ENAH: variants seen among roughly 807,000 people sequenced by gnomAD.
The protein encoded by ENAH is protein enabled homolog.
Under a neutral mutation model 78.7 loss-of-function variants are expected in ENAH, and 23 were observed. That is an observed-to-expected ratio of 0.29 (90% CI 0.21 to 0.41). The LOEUF (loss-of-function observed/expected upper bound fraction) is 0.41, where lower values mean the gene tolerates loss of function less well. ENAH is among the 10% of genes least tolerant of loss of function. The pLI is 1.00. For synonymous variants in ENAH, 226 were observed against 241.0 expected (o/e 0.94, Z 0.58); for missense variants, 544 against 691.0 (o/e 0.79, Z 2.39).
chr1:225,579,875 T>C (rs1405286489), intron 1 of ENAH, among the ~76,000 whole-genome samples: 2 of 152,206 alleles, frequency 1.3e-5, no homozygotes, highest in African/African-American at 4.8e-5. Context: ...AACTTCAACC[T>C]AAAACTACAG....
At chr1:225,564,822 T>C (rs78414652) in intron 2 of ENAH, among the ~76,000 whole-genome samples, 6,531 of 152,106 alleles carry the variant, frequency 0.043, 225 homozygotes, top group South Asian at 0.11. Context: ...TTTTCTTCTG[T>C]TTTCTTTGGG....
intron 4 of ENAH, among the ~76,000 whole-genome samples, chr1:225,522,212 C>G (rs1022221629): frequency 6.6e-6 from 1 of 152,178 alleles, no homozygotes; most frequent in Non-Finnish European, 1.5e-5. Context: ...TCCCTTTGTT[C>G]CTTCCAGCGG....
At position 225,597,936 on chromosome 1, in the gene ENAH, CTT is replaced by C. The variant is rs77379508; in HGVS notation, c.6-30524_6-30523del. 1.2e-4 allele frequency among the ~76,000 whole-genome samples: 18 copies of C among 145,044 alleles called. No homozygotes were observed. In the East Asian group the frequency reaches 2.8e-3, roughly 23 times the overall value. ...ATTTTAAGAGTTTCTCTCCACTTAA[CTT>C]TTTTTTTTTTTGGCAAATATTAATA... On this transcript the variant is annotated intron_variant, in intron 1 of 13. Transcript: ENST00000366843.
intron 3 of ENAH, among the ~76,000 whole-genome samples, chr1:225,536,791 T>G (rs1355894224): frequency 6.6e-6 from 1 of 152,038 alleles, no homozygotes. Context: ...ACACTGTATT[T>G]TTTTTGCAAA....
At chr1:225,577,042 G>A (rs1413332875) in intron 1 of ENAH, among the ~76,000 whole-genome samples, 1 of 152,138 alleles carries the variant, frequency 6.6e-6, no homozygotes, top group Non-Finnish European at 1.5e-5. Context: ...GGCTGAGGTG[G>A]GAGGATTACT....
At chr1:225,593,228 A>C (rs1236807636) in intron 1 of ENAH, among the ~76,000 whole-genome samples, 1 of 152,180 alleles carries the variant, frequency 6.6e-6, no homozygotes, top group Non-Finnish European at 1.5e-5. Context: ...TTCATAGTTC[A>C]CATTAAAATT....
chr1:225,503,273 GAGC>G (rs1488150924), intron 11 of ENAH, among the ~76,000 whole-genome samples: 2 of 152,074 alleles, frequency 1.3e-5, no homozygotes, highest in Non-Finnish European at 1.5e-5. Context: ...CAAGATAACT[GAGC>G]AGATTTACTA....
intron 10 of ENAH, among the ~76,000 whole-genome samples, chr1:225,510,768 T>C (rs191607493): frequency 1.6e-4 from 24 of 151,314 alleles, no homozygotes; most frequent in Admixed American, 3.9e-4. Flanking sequence ...TCCTAGCACT[T>C]TGGAAGACTG....
intron 1 of ENAH, among the ~76,000 whole-genome samples, chr1:225,628,135 C>A (rs1189689905): frequency 6.6e-6 from 1 of 152,188 alleles, no homozygotes; most frequent in Non-Finnish European, 1.5e-5. Context: ...AGAAGCTCAG[C>A]AGAGCTGTAA....
intron 4 of ENAH, among the ~76,000 whole-genome samples, chr1:225,520,274 G>A (rs1253332792): frequency 3.3e-5 from 5 of 149,266 alleles, no homozygotes; most frequent in African/African-American, 1.2e-4. Context: ...CAGCCTGGGT[G>A]ACAGAGCAAG....
rs1273543641 is a variant in ENAH, at chr1:225,491,600, T to A, written c.*6175A>T. The A allele has an allele frequency of 6.6e-6, 1 of 152,218 alleles. No individual in the cohort carries two copies. Among genetic ancestry groups the A allele is most frequent in the Admixed American group, 6.5e-5 (1 of 15,278 alleles). 9.4% of individuals were successfully genotyped at this position (152,218 alleles called of 1,614,324 possible). ...AGCGTTCTGTAATGTATCTCTCTTA[T>A]ATGGTTGCAACAATGTGTATTTTAA... is the stretch of plus-strand genomic sequence containing the variant. On this transcript the variant is annotated 3_prime_UTR_variant, in exon 14 of 14. Coordinates refer to ENST00000366843, the MANE Select transcript of ENAH (RefSeq NM_018212.6).
intron 3 of ENAH, among the ~76,000 whole-genome samples, chr1:225,536,296 A>G (rs1048619033): frequency 2.0e-5 from 3 of 152,216 alleles, no homozygotes; most frequent in Middle Eastern, 3.4e-3. Context: ...TTTAGGAGAA[A>G]AAACTCAATG....
intron 4 of ENAH, among the ~76,000 whole-genome samples, chr1:225,527,621 T>C (rs1166118127): frequency 6.6e-6 from 1 of 152,114 alleles, no homozygotes; most frequent in Non-Finnish European, 1.5e-5. Flanking sequence ...AAATGACAAA[T>C]ATCTCTTTTA....
At chr1:225,527,917 A>T (rs2151238020) in intron 4 of ENAH, among the ~76,000 whole-genome samples, 1 of 152,244 alleles carries the variant, frequency 6.6e-6, no homozygotes. Context: ...GTGTTATCTT[A>T]ATCAACTCAA....
chr1:225,605,911 T>C (rs962102749), intron 1 of ENAH, among the ~76,000 whole-genome samples: 5 of 152,186 alleles, frequency 3.3e-5, no homozygotes, highest in African/African-American at 1.2e-4. Context: ...GCCTTCAGAA[T>C]TGTGAGGAAA....
At chr1:225,629,640 TC>T (rs1351889087) in intron 1 of ENAH, among the ~76,000 whole-genome samples, 1 of 150,716 alleles carries the variant, frequency 6.6e-6, no homozygotes, top group East Asian at 1.9e-4. Flanking sequence ...GAAAGTAAGC[TC>T]CTTAAGGATG....
At chr1:225,591,856 C>T (rs890612578) in intron 1 of ENAH, among the ~76,000 whole-genome samples, 36 of 149,408 alleles carry the variant, frequency 2.4e-4, no homozygotes, top group Middle Eastern at 3.5e-3. Flanking sequence ...GAGTGTTGGT[C>T]TCTTTAGAAG....
intron 10 of ENAH, among the ~76,000 whole-genome samples, chr1:225,511,293 A>C (rs544571150): frequency 6.6e-6 from 1 of 152,344 alleles, no homozygotes; most frequent in South Asian, 2.1e-4. Flanking sequence ...GTACTCATCA[A>C]GTACTTCTAG....
At chr1:225,608,675 G>A (rs1393138102) in intron 1 of ENAH, among the ~76,000 whole-genome samples, 1 of 151,778 alleles carries the variant, frequency 6.6e-6, no homozygotes, top group Non-Finnish European at 1.5e-5. Flanking sequence ...AATTGGCCAG[G>A]TGTGATGGCA....
Sources: gnomAD v4.1 joint callset for allele counts (sites outside exome capture counted in the v4.1 genomes callset) on GRCh38, gnomAD v4.1.1 for gene constraint, MANE v1.5 for transcripts, NCBI Gene and HGNC (gene_info 2026-07-23, HGNC 2026-07-21) for gene names.